KCNT2: variants seen among roughly 807,000 people sequenced by gnomAD.
KCNT2 encodes the protein potassium channel subfamily T member 2.
In KCNT2, 67 loss-of-function variants were observed where a neutral mutation model predicts 153.8. The ratio of observed to expected loss-of-function variants is 0.44; its 90% CI spans 0.36 to 0.53. KCNT2 has a LOEUF of 0.53. Ranked by LOEUF, KCNT2 falls within the 20% of genes least tolerant of loss-of-function variation. The pLI, the probability that KCNT2 is intolerant of heterozygous loss-of-function variation, is 0.00. For missense variants in KCNT2, 975 were observed against 1,354.8 expected (o/e 0.72, Z 4.40); for synonymous variants, 500 against 458.8 (o/e 1.09, Z -1.15).
chr1:196,243,576 A>G (rs548920052), intron 26 of KCNT2, among the ~76,000 whole-genome samples: 9 of 152,252 alleles, frequency 5.9e-5, no homozygotes, highest in South Asian at 2.1e-4. Context: ...TTGGAACTCA[A>G]TGCTGCCCTG....
At chr1:196,458,035 C>T (rs935924369) in intron 8 of KCNT2, among the ~76,000 whole-genome samples, 2 of 151,876 alleles carry the variant, frequency 1.3e-5, no homozygotes, top group Non-Finnish European at 2.9e-5. Flanking sequence ...CAGAATGAGA[C>T]ATACAATTTT....
chr1:196,555,379 T>A (rs1349513722), intron 1 of KCNT2, among the ~76,000 whole-genome samples: 1 of 150,734 alleles, frequency 6.6e-6, no homozygotes, highest in Non-Finnish European at 1.5e-5. Flanking sequence ...AAAAAAGAAA[T>A]CAAAAAGCAA....
chr1:196,480,307 G>T (rs1269260891), intron 4 of KCNT2, among the ~76,000 whole-genome samples: 2 of 152,042 alleles, frequency 1.3e-5, no homozygotes, highest in Non-Finnish European at 2.9e-5. Context: ...CTTCTGTTGG[G>T]ATAAAAATCT....
intron 1 of KCNT2, among the ~76,000 whole-genome samples, chr1:196,553,437 C>CT (rs1330727267): frequency 6.6e-6 from 1 of 150,928 alleles, no homozygotes; most frequent in Non-Finnish European, 1.5e-5. Context: ...AAACATAGGA[C>CT]TTAATGTGCA....
At chr1:196,496,806 G>C (rs553931887) in intron 1 of KCNT2, among the ~76,000 whole-genome samples, 2 of 152,092 alleles carry the variant, frequency 1.3e-5, no homozygotes, top group Non-Finnish European at 2.9e-5. Flanking sequence ...CTCATGCTAC[G>C]ATCATTTAGA....
chr1:196,575,674 G>C (rs988054350), intron 1 of KCNT2, among the ~76,000 whole-genome samples: 47 of 150,678 alleles, frequency 3.1e-4, no homozygotes, highest in Non-Finnish European at 5.5e-4. Context: ...TCATTAGCTC[G>C]AACTGTCTTC....
intron 1 of KCNT2, among the ~76,000 whole-genome samples, chr1:196,603,253 A>C (rs920704590): frequency 1.3e-5 from 2 of 152,206 alleles, no homozygotes; most frequent in Non-Finnish European, 2.9e-5. Flanking sequence ...GTATATGCAT[A>C]GTTGATGCCA....
chr1:196,352,986 T>C (rs1430359429), intron 14 of KCNT2, among the ~76,000 whole-genome samples: 1 of 152,138 alleles, frequency 6.6e-6, no homozygotes. Flanking sequence ...GAGCAGGTTG[T>C]TCAGTTTCCA....
chr1:196,268,947 T>G (rs574579436), intron 25 of KCNT2, among the ~76,000 whole-genome samples: 1 of 152,214 alleles, frequency 6.6e-6, no homozygotes, highest in East Asian at 1.9e-4. Context: ...TATATCCAGT[T>G]TATGTATACA....
At chr1:196,437,286 T>A in intron 8 of KCNT2, among the ~76,000 whole-genome samples, 1 of 78,736 alleles carries the variant, frequency 1.3e-5, no homozygotes, top group Non-Finnish European at 3.1e-5. Context: ...ATATAAAATA[T>A]ATATAATATA....
intron 7 of KCNT2, among the ~76,000 whole-genome samples, chr1:196,467,108 G>C (rs527934399): frequency 5.8e-4 from 88 of 151,938 alleles, no homozygotes; most frequent in Non-Finnish European, 1.1e-3. Flanking sequence ...CTACAATTAA[G>C]AGCAGTTTGA....
At chr1:196,311,720 T>A (rs1299392114) in intron 21 of KCNT2, among the ~76,000 whole-genome samples, 5 of 151,712 alleles carry the variant, frequency 3.3e-5, no homozygotes, top group Non-Finnish European at 7.4e-5. Context: ...GACACTCTGG[T>A]CATAGCCCTG....
chr1:196,424,754 G>A (rs1673506371), intron 11 of KCNT2, among the ~76,000 whole-genome samples: 1 of 151,418 alleles, frequency 6.6e-6, no homozygotes, highest in Non-Finnish European at 1.5e-5. Flanking sequence ...TAACATCAGA[G>A]TTCCTGACTA....
rs1384260127 is a variant in KCNT2, at chr1:196,446,768, CTAAT to C, written c.639-17015_639-17012del. 1.4e-4 allele frequency among the ~76,000 whole-genome samples: 21 copies of C among 151,628 alleles called. No homozygotes were observed. In the Admixed American group the frequency reaches 1.4e-3, roughly 10 times the overall value. ...TAAACCAGTAATAGTTATTAAGCTA[CTAAT>C]TAACTAAGACAAATGTTCCAAATAA... On this transcript the variant is annotated intron_variant, in intron 8 of 27. Transcript: ENST00000294725.
intron 13 of KCNT2, among the ~76,000 whole-genome samples, chr1:196,375,227 A>G (rs1413001284): frequency 7.2e-6 from 1 of 138,216 alleles, no homozygotes; most frequent in Non-Finnish European, 1.5e-5. Flanking sequence ...AGAAGGAAGC[A>G]AAAGATTCCT....
intron 27 of KCNT2, among the ~76,000 whole-genome samples, chr1:196,234,870 T>C (rs762629086): frequency 2.6e-5 from 4 of 151,398 alleles, no homozygotes; most frequent in Admixed American, 6.6e-5. Context: ...GCATTTGTTT[T>C]ATGTCAGTAA....
intron 24 of KCNT2, among the ~76,000 whole-genome samples, chr1:196,281,315 A>G (rs906559473): frequency 1.3e-5 from 2 of 152,212 alleles, no homozygotes; most frequent in South Asian, 4.1e-4. Flanking sequence ...ATGACATTAT[A>G]TTAGTTCGTT....
At chr1:196,586,386 A>G (rs1443112299) in intron 1 of KCNT2, among the ~76,000 whole-genome samples, 1 of 152,192 alleles carries the variant, frequency 6.6e-6, no homozygotes, top group African/African-American at 2.4e-5. Context: ...TGGGGTTTTT[A>G]AACTCTTGAT....
At chr1:196,396,151 C>G (rs1670919512) in intron 13 of KCNT2, among the ~76,000 whole-genome samples, 2 of 151,526 alleles carry the variant, frequency 1.3e-5, no homozygotes, top group Admixed American at 6.6e-5. Context: ...TATGGATGAG[C>G]CTCACTTTCC....
Sources: gnomAD v4.1 joint callset for allele counts (sites outside exome capture counted in the v4.1 genomes callset) on GRCh38, gnomAD v4.1.1 for gene constraint, MANE v1.5 for transcripts, NCBI Gene and HGNC (gene_info 2026-07-23, HGNC 2026-07-21) for gene names.